Variants in NR3C1 observed in about 807,000 individuals in gnomAD.
NR3C1 encodes nuclear receptor subfamily 3 group C member 1, also known as glucocorticoid receptor.
Under a neutral mutation model 74.0 loss-of-function variants are expected in NR3C1, and 14 were observed. That is an observed-to-expected ratio of 0.19 (90% CI 0.12 to 0.30). The LOEUF (loss-of-function observed/expected upper bound fraction) is 0.30. Among genes scored for constraint, NR3C1 ranks in the 10% least tolerant of loss-of-function variants. The pLI is 1.00. For synonymous variants in NR3C1, 308 were observed against 332.5 expected (o/e 0.93, Z 0.80); for missense variants, 695 against 909.8 (o/e 0.76, Z 3.04).
At chr5:143,304,698 A>T (rs1819207016) in intron 4 of NR3C1, among the ~76,000 whole-genome samples, 1 of 151,070 alleles carries the variant, frequency 6.6e-6, no homozygotes, top group Non-Finnish European at 1.5e-5. Flanking sequence ...TGGTACTGGT[A>T]AAAAAAAACC....
chr5:143,310,619 A>C (rs1423781458), intron 3 of NR3C1, among the ~76,000 whole-genome samples: 1 of 152,132 alleles, frequency 6.6e-6, no homozygotes, highest in African/African-American at 2.4e-5. Flanking sequence ...CTTTTTTGAT[A>C]AACTGTGTTT....
intron 4 of NR3C1, among the ~76,000 whole-genome samples, chr5:143,305,419 A>G (rs548441039): frequency 6.6e-6 from 1 of 152,334 alleles, no homozygotes; most frequent in South Asian, 2.1e-4. Flanking sequence ...AAAATAAATC[A>G]TTCTATCAAA....
chr5:143,367,923 G>C (rs761440611), intron 2 of NR3C1, among the ~76,000 whole-genome samples: 1 of 152,100 alleles, frequency 6.6e-6, no homozygotes, highest in Non-Finnish European at 1.5e-5. Context: ...AGTTTGCAAC[G>C]AACACGGAAT....
At chr5:143,388,536 T>C (rs1018337031) in intron 2 of NR3C1, among the ~76,000 whole-genome samples, 1 of 152,210 alleles carries the variant, frequency 6.6e-6, no homozygotes, top group Admixed American at 6.5e-5. Context: ...TCATGGAGCT[T>C]ACATTGTAGC....
At chr5:143,379,438 C>T (rs1162540972) in intron 2 of NR3C1, among the ~76,000 whole-genome samples, 2 of 152,148 alleles carry the variant, frequency 1.3e-5, no homozygotes, top group Non-Finnish European at 2.9e-5. Context: ...ATGATTCTGC[C>T]TTTCCACCAG....
At chr5:143,364,514 T>A (rs1389844842) in intron 2 of NR3C1, among the ~76,000 whole-genome samples, 1 of 152,222 alleles carries the variant, frequency 6.6e-6, no homozygotes, top group African/African-American at 2.4e-5. Context: ...TTTGTTTATA[T>A]CTCCTTTTCT....
intron 3 of NR3C1, among the ~76,000 whole-genome samples, chr5:143,313,435 C>A (rs919570841): frequency 2.0e-5 from 3 of 152,064 alleles, no homozygotes; most frequent in Non-Finnish European, 4.4e-5. Context: ...AATCTCTGTA[C>A]CTTGTCATTG....
chr5:143,401,236 G>C (rs987076290), intron 1 of NR3C1: 1 of 237,672 alleles, frequency 4.2e-6, no homozygotes. Flanking sequence ...AAAAAAGGAA[G>C]TGTGATCATT....
At chr5:143,413,085 A>G (rs7701443) in intron 1 of NR3C1, among the ~76,000 whole-genome samples, 65,952 of 152,046 alleles carry the variant, frequency 0.43, 14,514 homozygotes, top group East Asian at 0.6. Flanking sequence ...GGCTGCAGGG[A>G]TATCAAAATG....
chr5:143,435,193 T>C (rs1752050416), exon 1 of NR3C1: 3 of 985,398 alleles, frequency 3.0e-6, no homozygotes, highest in Non-Finnish European at 2.4e-6. Context: ...TTCCCTTTTT[T>C]CTTCTCTTAC....
intron 1 of NR3C1, among the ~76,000 whole-genome samples, chr5:143,421,772 A>G (rs961679936): frequency 6.6e-6 from 1 of 151,442 alleles, no homozygotes; most frequent in Non-Finnish European, 1.5e-5. Flanking sequence ...AGCCTGGGTG[A>G]CAGAGTGAGA....
chr5:143,433,247 G>A (rs577649678), intron 1 of NR3C1, among the ~76,000 whole-genome samples: 1 of 151,832 alleles, frequency 6.6e-6, no homozygotes, highest in African/African-American at 2.4e-5. Flanking sequence ...GCTGCCTAAA[G>A]TTCACAGAGT....
At chr5:143,283,424 T>C (rs1192382456) in intron 7 of NR3C1, among the ~76,000 whole-genome samples, 1 of 152,188 alleles carries the variant, frequency 6.6e-6, no homozygotes, top group East Asian at 1.9e-4. Context: ...GAGGACCAAA[T>C]GAAATAATAC....
chr5:143,292,727 A>G (rs1296418236), intron 7 of NR3C1, among the ~76,000 whole-genome samples: 2 of 152,154 alleles, frequency 1.3e-5, no homozygotes, highest in Non-Finnish European at 2.9e-5. Context: ...CCAGCAATTC[A>G]TCAAAATTGC....
intron 4 of NR3C1, among the ~76,000 whole-genome samples, chr5:143,302,750 A>G (rs959236804): frequency 6.6e-6 from 1 of 152,090 alleles, no homozygotes; most frequent in Non-Finnish European, 1.5e-5. Context: ...AAATAATACT[A>G]ATTAATTTTT....
At chr5:143,302,068 C>T (rs937466883) in intron 4 of NR3C1, among the ~76,000 whole-genome samples, 1 of 152,092 alleles carries the variant, frequency 6.6e-6, no homozygotes, top group African/African-American at 2.4e-5. Context: ...AACCTGAAAT[C>T]AGCATATTTG....
intron 2 of NR3C1, chr5:143,375,580 T>C (rs1315770105): frequency 6.6e-6 from 1 of 152,266 alleles, no homozygotes; most frequent in Non-Finnish European, 1.5e-5. Flanking sequence ...GCTGCTCACA[T>C]CTATTTTACA....
At chr5:143,401,598 A>G (rs979315539) in intron 1 of NR3C1, among the ~76,000 whole-genome samples, 1 of 152,196 alleles carries the variant, frequency 6.6e-6, no homozygotes, top group Non-Finnish European at 1.5e-5. Flanking sequence ...GAGAAGGTGT[A>G]GTAGTTTCTC....
At chr5:143,333,505 C>A (rs1332756219) in intron 2 of NR3C1, among the ~76,000 whole-genome samples, 16 of 151,968 alleles carry the variant, frequency 1.1e-4, no homozygotes, top group Non-Finnish European at 4.4e-5. Flanking sequence ...CGCGGTGGCT[C>A]ACGCCTGTAA....
Sources: gnomAD v4.1 joint callset for allele counts (sites outside exome capture counted in the v4.1 genomes callset) on GRCh38, gnomAD v4.1.1 for gene constraint, MANE v1.5 for transcripts, NCBI Gene and HGNC (gene_info 2026-07-23, HGNC 2026-07-21) for gene names.